Variants in LARGE1 observed in about 807,000 individuals in gnomAD.
LARGE1 encodes the protein LARGE xylosyl- and glucuronyltransferase 1.
A neutral mutation model predicts 87.6 loss-of-function variants in LARGE1; 43 were observed. The observed-to-expected ratio is 0.49, with a 90% CI of 0.38 to 0.63. LARGE1 has a LOEUF of 0.63. LARGE1 is among the 30% of genes least tolerant of loss of function. The probability of loss-of-function intolerance (pLI) is 0.00; values close to 1 mark genes in which losing one functional copy is unlikely to be tolerated. For synonymous variants in LARGE1, 434 were observed against 394.6 expected, an observed-to-expected ratio of 1.10 and a Z score of -1.18; for missense variants, 802 against 1,000.2, an observed-to-expected ratio of 0.80 and a Z score of 2.67.
chr22:33,604,667 G>T, intron 4 of LARGE1, 109 bp from the exon 5 acceptor site: 1 of 1,397,582 alleles, frequency 7.2e-7, no homozygotes, highest in Non-Finnish European at 1.0e-6. Context: ...GTTTCTAACG[G>T]CAATTGTGAA....
chr22:33,880,574 C>T (rs1195050315), intron 1 of LARGE1, among the ~76,000 whole-genome samples: 1 of 152,192 alleles, frequency 6.6e-6, no homozygotes, highest in Non-Finnish European at 1.5e-5. Flanking sequence ...CCTGACCCAT[C>T]CTCCCAGGCT....
At chr22:33,093,006 G>C in the LARGE1 span, among the ~76,000 whole-genome samples, 13 of 152,150 alleles carry the variant, frequency 8.5e-5, no homozygotes, top group Admixed American at 4.6e-4. Flanking sequence ...GAATTGCTGG[G>C]TCAAATGGTA....
intron 10 of LARGE1, among the ~76,000 whole-genome samples, chr22:33,319,145 C>A (rs2267189): frequency 0.47 from 70,667 of 151,932 alleles, 18,241 homozygotes; most frequent in African/African-American, 0.71. Context: ...CTTACTAAAG[C>A]GGCACAGTTT....
At chr22:33,115,643 T>C in the LARGE1 span, among the ~76,000 whole-genome samples, 3 of 151,542 alleles carry the variant, frequency 2.0e-5, no homozygotes, top group South Asian at 2.1e-4. Context: ...TGGTGAAACC[T>C]CGTCTCTACT....
chr22:33,444,286 T>C (rs1465811000), intron 6 of LARGE1, among the ~76,000 whole-genome samples: 2 of 152,262 alleles, frequency 1.3e-5, no homozygotes, highest in African/African-American at 4.8e-5. Flanking sequence ...GTAAAATGAA[T>C]TGTTAAATTG....
intron 12 of LARGE1, 21 bp downstream of exon 12, chr22:33,304,208 C>G (rs532963640): frequency 1.2e-6 from 2 of 1,613,686 alleles, no homozygotes; most frequent in Admixed American, 1.7e-5. Flanking sequence ...GCCTGATGGC[C>G]AGGCCCCTGC....
Position 33,650,611 on chromosome 22 carries a change from G to A in LARGE1, c.164C>T (p.Thr55Met), listed in dbSNP as rs766363552. The A allele has an allele frequency of 1.6e-5, 26 of 1,604,104 alleles. No homozygotes were observed. The highest frequency in any genetic ancestry group is 1.8e-4 in the Middle Eastern group (1 of 5,682). The change falls in exon 3 of 15, where the codon ACG becomes ATG. Residue 55 changes from threonine to methionine, a missense_variant. Thr to Met is a moderately conservative substitution (Grantham distance 81). Transcript: ENST00000397394. ...LESQAHSPRY[T>M]ASSQRERESL... ...CTCGCGCTCCCGCTGGCTGGAGGCC[G>A]TGTACCTGGGGCTGTGTGCCTGGGA...
At chr22:33,534,747 C>T (rs1288270596) in intron 6 of LARGE1, among the ~76,000 whole-genome samples, 1 of 152,186 alleles carries the variant, frequency 6.6e-6, no homozygotes, top group East Asian at 1.9e-4. Flanking sequence ...ATCAACAACA[C>T]AACCAGGTGA....
chr22:33,395,292 G>C (rs1171845879), intron 7 of LARGE1, among the ~76,000 whole-genome samples: 2 of 149,294 alleles, frequency 1.3e-5, no homozygotes, highest in Non-Finnish European at 3.0e-5. Context: ...TGTATGAAAA[G>C]GAAGCTGTAG....
At chr22:33,375,960 T>C (rs1186698477) in intron 9 of LARGE1, among the ~76,000 whole-genome samples, 2 of 152,196 alleles carry the variant, frequency 1.3e-5, no homozygotes, top group Non-Finnish European at 2.9e-5. Context: ...ATCACTATTC[T>C]TGCAGGCAAT....
At chr22:33,109,413 A>G in the LARGE1 span, among the ~76,000 whole-genome samples, 1 of 151,782 alleles carries the variant, frequency 6.6e-6, no homozygotes, top group Non-Finnish European at 1.5e-5. Context: ...GCAGCCTGGA[A>G]CTCCTGAGCT....
chr22:33,862,255 A>G (rs1019620233), intron 1 of LARGE1, among the ~76,000 whole-genome samples: 1 of 152,166 alleles, frequency 6.6e-6, no homozygotes, highest in South Asian at 2.1e-4. Context: ...GGAAGAAAAC[A>G]TCATGGAAAA....
intron 10 of LARGE1, among the ~76,000 whole-genome samples, chr22:33,326,384 G>A (rs1024943330): frequency 9.2e-5 from 14 of 152,170 alleles, no homozygotes; most frequent in Admixed American, 2.6e-4. Flanking sequence ...TAGGAGGAGA[G>A]GCAATGAAGC....
chr22:33,721,070 G>A (rs548058274), intron 2 of LARGE1, among the ~76,000 whole-genome samples: 17 of 152,330 alleles, frequency 1.1e-4, no homozygotes, highest in African/African-American at 4.1e-4. Context: ...AAGAAATGGA[G>A]GCAAAGGAAG....
intron 11 of LARGE1, among the ~76,000 whole-genome samples, chr22:33,180,244 G>A (rs1923092152): frequency 6.6e-6 from 1 of 152,154 alleles, no homozygotes; most frequent in Non-Finnish European, 1.5e-5. Flanking sequence ...CTTGAGTGAT[G>A]TAAATTTGAA....
In LARGE1 at chr22:33,920,411, G is replaced by T. The variant is rs1021812576; in HGVS notation, c.-499C>A. 5 of 150,202 alleles carry T rather than the reference G, an allele frequency of 3.3e-5. No individual in the cohort carries two copies. The highest frequency in any genetic ancestry group is 1.2e-4 in the African/African-American group (5 of 41,154). The allele number at this position is 150,202 out of a possible 1,614,324, so 9.3% of individuals were successfully genotyped here. On this transcript the variant is annotated 5_prime_UTR_variant, in exon 1 of 15. Coordinates refer to ENST00000397394, the MANE Select transcript of LARGE1 (RefSeq NM_133642.5). ...CTGCCCGCGAACAGCCCGGCGAGACGAGCGCGGCCGCGCCCCCAGCTTCGG... is the reference window on the plus strand; with the variant it reads ...CTGCCCGCGAACAGCCCGGCGAGACTAGCGCGGCCGCGCCCCCAGCTTCGG...
At chr22:33,274,750 C>G in intron 14 of LARGE1, 126 bp from the exon 15 acceptor site, 1 of 819,962 alleles carries the variant, frequency 1.2e-6, no homozygotes. Context: ...AAGCAGATGG[C>G]AAAGGACAGC....
intron 3 of LARGE1, among the ~76,000 whole-genome samples, chr22:33,629,843 G>T (rs569523915): frequency 6.6e-6 from 1 of 152,044 alleles, no homozygotes; most frequent in Admixed American, 6.6e-5. Flanking sequence ...CAAGGTGGGC[G>T]GATCATCTAA....
intron 11 of LARGE1, among the ~76,000 whole-genome samples, chr22:33,307,360 G>T (rs1251460172): frequency 6.6e-6 from 1 of 152,136 alleles, no homozygotes; most frequent in Non-Finnish European, 1.5e-5. Context: ...CCCAAAGCCC[G>T]GATCCAGGTC....
Sources: allele counts gnomAD v4.1 joint callset (sites outside exome capture counted in the v4.1 genomes callset), GRCh38; gene constraint gnomAD v4.1.1; transcripts MANE v1.5; gene names NCBI Gene and HGNC (gene_info 2026-07-23, HGNC 2026-07-21).